Variants in WWC2 observed in about 807,000 individuals in gnomAD.
The protein encoded by WWC2 is WW and C2 domain containing 2, also known as protein WWC2.
WWC2 carries 101 observed loss-of-function variants against 138.5 expected under a neutral mutation model. The observed-to-expected ratio is 0.73, with a 90% CI of 0.62 to 0.86. WWC2 has a LOEUF of 0.86. WWC2 is among the 40% of genes least tolerant of loss of function. The pLI is 0.00. For missense variants in WWC2, 1,420 were observed against 1,419.4 expected (o/e 1.00, Z -0.01); for synonymous variants, 558 against 538.4 (o/e 1.04, Z -0.50).
intron 5 of WWC2, among the ~76,000 whole-genome samples, 171 bp from the exon 6 acceptor site, chr4:183,245,245 A>AT (rs2111322625): frequency 6.6e-6 from 1 of 150,624 alleles, no homozygotes; most frequent in Admixed American, 6.6e-5. Flanking sequence ...AAAAAAAAAA[A>AT]AAAAGAGAGA....
In WWC2 at chr4:183,233,411, C is replaced by A. The variant is rs558684413; in HGVS notation, c.523-6772C>A. On this transcript the variant is annotated intron_variant, in intron 4 of 22. Transcript: ENST00000403733. ...AACTCAGGTGATCCACCCACCTCCG[C>A]CTCCCAAAGTGCTGGGATTATAGGT... Among the ~76,000 whole-genome samples the A allele has an allele frequency of 2.0e-5, 3 of 152,172 alleles. No individual in the cohort carries two copies. In the South Asian group the frequency reaches 6.2e-4, roughly 32 times the overall value.
intron 21 of WWC2, among the ~76,000 whole-genome samples, chr4:183,296,254 T>G (rs1738626679): frequency 6.6e-6 from 1 of 152,202 alleles, no homozygotes; most frequent in Non-Finnish European, 1.5e-5. Context: ...CCACATTGGT[T>G]GTATTTTGCT....
chr4:183,124,766 T>G (rs1288466974), intron 1 of WWC2, among the ~76,000 whole-genome samples: 1 of 152,098 alleles, frequency 6.6e-6, no homozygotes, highest in Non-Finnish European at 1.5e-5. Flanking sequence ...ATTTTTTGTA[T>G]TCTTAGTAGA....
At position 183,259,655 on chromosome 4, in the gene WWC2, A is replaced by G. The variant is rs1276635342; in HGVS notation, c.1213A>G (p.Arg405Gly). 2 of 1,542,132 alleles carry G rather than the reference A, an allele frequency of 1.3e-6. No homozygotes were observed. The change falls in exon 10 of 23, where the codon AGA (arginine) becomes GGA (glycine). Residue 405 changes from arginine to glycine, a missense_variant. Coordinates refer to ENST00000403733, the MANE Select transcript of WWC2 (RefSeq NM_024949.6). ...TCTTCCTAGATTGAGATTGGAAGAG[A>G]GAAGAAAAGAGCTGCTACAGAAACT... ...ALAERLRLEE[R>G]RKELLQKLEE...
intron 4 of WWC2, 68 bp downstream of exon 4, chr4:183,209,093 C>A: frequency 1.8e-6 from 2 of 1,115,574 alleles, no homozygotes; most frequent in Non-Finnish European, 2.6e-6. Context: ...GTGGAAGGGG[C>A]TTTAGTGATC....
In WWC2 at chr4:183,108,196, G is replaced by GT. The variant is rs199690757; in HGVS notation, c.131+8581dup. Among the ~76,000 whole-genome samples the GT allele has an allele frequency of 4.4e-3, 662 of 152,034 alleles. 2 individuals carry two copies. Among genetic ancestry groups the GT allele is most frequent in the Middle Eastern group, 0.017 (5 of 294 alleles). Reference sequence around the variant, plus strand: ...AGAATTAAATTTATTTTTGTTCATTGTTTTTTTAAAAAATGGCAGGAGCAA... The same window carrying GT: ...AGAATTAAATTTATTTTTGTTCATTGTTTTTTTTAAAAAATGGCAGGAGCAA... On this transcript the variant is annotated intron_variant, in intron 1 of 22. Transcript: ENST00000403733.
chr4:183,155,219 A>AGT (rs1733767616), intron 1 of WWC2, among the ~76,000 whole-genome samples: 3 of 134,478 alleles, frequency 2.2e-5, no homozygotes, highest in African/African-American at 5.4e-5. Context: ...AGAGAGAGAG[A>AGT]GAGAGTTAGT....
intron 1 of WWC2, among the ~76,000 whole-genome samples, chr4:183,159,863 G>A (rs1733910284): frequency 6.6e-6 from 1 of 151,928 alleles, no homozygotes; most frequent in South Asian, 2.1e-4. Context: ...TCACAGTGTA[G>A]GGATCTGCTT....
intron 11 of WWC2, among the ~76,000 whole-genome samples, chr4:183,263,340 C>T (rs1307487988): frequency 3.3e-5 from 5 of 152,166 alleles, no homozygotes; most frequent in African/African-American, 9.7e-5. Flanking sequence ...GTCTGTCACC[C>T]ACCCAGTAAC....
intron 18 of WWC2, among the ~76,000 whole-genome samples, chr4:183,283,491 T>A (rs1738146572): frequency 6.6e-6 from 1 of 152,234 alleles, no homozygotes; most frequent in Non-Finnish European, 1.5e-5. Context: ...TTTAGAAAAT[T>A]ATAATTTTGT....
intron 1 of WWC2, among the ~76,000 whole-genome samples, chr4:183,182,297 C>A (rs988083925): frequency 6.6e-6 from 1 of 152,162 alleles, no homozygotes; most frequent in Non-Finnish European, 1.5e-5. Flanking sequence ...AATACTGAAG[C>A]CTCTTCTAGT....
At chr4:183,285,177 G>A (rs935847613) in intron 19 of WWC2, among the ~76,000 whole-genome samples, 1 of 152,106 alleles carries the variant, frequency 6.6e-6, no homozygotes, top group African/African-American at 2.4e-5. Flanking sequence ...TCAATGCTAT[G>A]GACAACAGTA....
intron 1 of WWC2, among the ~76,000 whole-genome samples, chr4:183,168,923 G>A (rs796346243): frequency 4.0e-5 from 6 of 151,840 alleles, no homozygotes; most frequent in African/African-American, 9.7e-5. Flanking sequence ...ATCTCGGCTC[G>A]CCACAACCTC....
intron 1 of WWC2, among the ~76,000 whole-genome samples, chr4:183,157,990 G>A (rs1175774225): frequency 1.3e-5 from 2 of 152,014 alleles, no homozygotes; most frequent in East Asian, 1.9e-4. Flanking sequence ...TGTAGTATGC[G>A]ATGATGCACC....
intron 1 of WWC2, among the ~76,000 whole-genome samples, chr4:183,163,622 C>T (rs1398888375): frequency 6.6e-6 from 1 of 152,090 alleles, no homozygotes; most frequent in African/African-American, 2.4e-5. Flanking sequence ...GTCTCTATTT[C>T]CTTTATTTTT....
intron 1 of WWC2, among the ~76,000 whole-genome samples, chr4:183,172,071 A>C (rs933499237): frequency 5.3e-5 from 8 of 152,134 alleles, no homozygotes; most frequent in African/African-American, 1.9e-4. Context: ...CCATTGGCTT[A>C]CTTCTCTATA....
At chr4:183,262,601 A>C (rs1737363969) in intron 11 of WWC2, among the ~76,000 whole-genome samples, 1 of 152,364 alleles carries the variant, frequency 6.6e-6, no homozygotes, top group East Asian at 1.9e-4. Flanking sequence ...CCCATGAGAC[A>C]TTTGTGTGGT....
At chr4:183,262,404 C>CT (rs1422374766) in intron 11 of WWC2, among the ~76,000 whole-genome samples, 1 of 152,232 alleles carries the variant, frequency 6.6e-6, no homozygotes, top group Non-Finnish European at 1.5e-5. Flanking sequence ...GGGCAGGGCT[C>CT]TTTAGAAGTG....
chr4:183,225,385 G>A (rs115974527), intron 4 of WWC2, among the ~76,000 whole-genome samples: 1,559 of 152,304 alleles, frequency 0.01, 31 homozygotes, highest in African/African-American at 0.036. Context: ...GGATTATTCA[G>A]TGAATGTGTA....
Sources: allele counts gnomAD v4.1 joint callset (sites outside exome capture counted in the v4.1 genomes callset), GRCh38; gene constraint gnomAD v4.1.1; transcripts MANE v1.5; gene names NCBI Gene and HGNC (gene_info 2026-07-23, HGNC 2026-07-21).